Variants in SOS2 observed in about 807,000 individuals in gnomAD.
SOS2 encodes SOS Ras/Rho guanine nucleotide exchange factor 2.
In SOS2, 65 loss-of-function variants were observed where a neutral mutation model predicts 148.2. The observed-to-expected ratio is 0.44, with a 90% confidence interval of 0.36 to 0.54. The LOEUF is 0.54. Among genes scored for constraint, SOS2 ranks in the 20% least tolerant of loss-of-function variants. SOS2 has a pLI of 0.00. For synonymous variants in SOS2, 539 were observed against 537.1 expected (o/e 1.00, Z -0.05); for missense variants, 1,341 against 1,590.2 (o/e 0.84, Z 2.67).
chr14:50,121,775 A>T (rs1169158524), intron 21 of SOS2, among the ~76,000 whole-genome samples: 2 of 152,146 alleles, frequency 1.3e-5, no homozygotes, highest in Non-Finnish European at 2.9e-5. Flanking sequence ...GAAATAGCTG[A>T]TACAAAAGGT....
chr14:50,129,797 C>T (rs902189380), intron 21 of SOS2, among the ~76,000 whole-genome samples, 164 bp downstream of exon 21: 22 of 152,204 alleles, frequency 1.4e-4, no homozygotes, highest in Non-Finnish European at 2.8e-4. Context: ...TGAAAATAAA[C>T]TATAGTGAAG....
chr14:50,206,253 C>G lies in SOS2; in HGVS notation c.88-1844G>C, dbSNP rs185815064. Among the ~76,000 whole-genome samples the G allele has an allele frequency of 1.5e-3, 232 of 152,262 alleles. 3 individuals carry two copies. In the Middle Eastern group the frequency reaches 0.02, roughly 13 times the overall value. ...TCTAATATGTATGTTTTCTCTAAAA[C>G]TACTTTTGTAAAAACACACATATTT... is the stretch of plus-strand genomic sequence containing the variant. On this transcript the variant is annotated intron_variant, in intron 1 of 22. Transcript: ENST00000216373.
At position 50,156,984 on chromosome 14, in the gene SOS2, A is replaced by T. The variant is rs1374367606; in HGVS notation, c.2057+15T>A. The T allele has an allele frequency of 6.7e-7, 1 of 1,500,990 alleles. No individual in the cohort carries two copies. The highest frequency in any genetic ancestry group is 1.4e-5 in the African/African-American group (1 of 72,114). 93.0% of individuals were successfully genotyped at this position (1,500,990 alleles called of 1,614,324 possible). On this transcript the variant is annotated intron_variant, in intron 12 of 22. Coordinates refer to ENST00000216373, the MANE Select transcript of SOS2 (RefSeq NM_006939.4). ...ATGTGTATATATATATATATAAAAA[A>T]TATTCAAGCCAAACCTAAGTTGTAC...
Position 50,130,683 on chromosome 14 carries a change from A to G in SOS2, c.3155T>C (p.Leu1052Ser), listed in dbSNP as rs1883839983. 1.9e-6 allele frequency: 3 copies of G among 1,613,838 alleles called. No individual in the cohort carries two copies. The highest frequency in any genetic ancestry group is 2.5e-6 in the Non-Finnish European group (3 of 1,179,808). The change falls in exon 20 of 23, where the codon TTA becomes TCA. Residue 1052 changes from leucine (L) to serine (S), a missense_variant. By Grantham distance (145) the Leu-to-Ser change is moderately radical. Coordinates refer to ENST00000216373, the MANE Select transcript of SOS2 (RefSeq NM_006939.4). ...TTCTAATGGTGTTGGGTGACCTCGT[A>G]AAGTACCTGAGGTAGAGCCATGTCG... ...TGRHGSTSGT[L>S]RGHPTPLERE... is the part of the protein sequence containing the mutation.
At chr14:50,201,338 C>T (rs1257206318) in intron 2 of SOS2, among the ~76,000 whole-genome samples, 10 of 151,896 alleles carry the variant, frequency 6.6e-5, no homozygotes, top group African/African-American at 2.4e-4. Flanking sequence ...TTTAGACCAG[C>T]CAGGCAACAC....
intron 11 of SOS2, among the ~76,000 whole-genome samples, chr14:50,158,147 G>A (rs775473976): frequency 6.6e-6 from 1 of 151,722 alleles, no homozygotes; most frequent in East Asian, 1.9e-4. Context: ...TTATATTCTT[G>A]TATCTGCTCT....
intron 14 of SOS2, among the ~76,000 whole-genome samples, chr14:50,146,134 C>CA (rs775495958): frequency 0.015 from 1,256 of 85,044 alleles, 21 homozygotes; most frequent in African/African-American, 0.049. Flanking sequence ...GCTCTGTCTC[C>CA]AAAAAAAAAA....
intron 1 of SOS2, among the ~76,000 whole-genome samples, chr14:50,213,906 G>C (rs1026038395): frequency 6.2e-5 from 9 of 145,864 alleles, no homozygotes; most frequent in African/African-American, 2.2e-4. Flanking sequence ...AAAAAAAAAA[G>C]AGAAAAAAGA....
At chr14:50,167,034 TC>T (rs1394913767) in intron 8 of SOS2, among the ~76,000 whole-genome samples, 2 of 151,728 alleles carry the variant, frequency 1.3e-5, no homozygotes, top group Non-Finnish European at 2.9e-5. Flanking sequence ...ATAGCGAGAC[TC>T]CCTCTCTAAA....
chr14:50,192,562 A>C (rs1164019576), intron 4 of SOS2, among the ~76,000 whole-genome samples: 8 of 152,028 alleles, frequency 5.3e-5, no homozygotes, highest in Non-Finnish European at 1.0e-4. Context: ...TCTTTAAAAA[A>C]AAACAAAAAC....
At chr14:50,228,660 G>A (rs899299456) in intron 1 of SOS2, among the ~76,000 whole-genome samples, 1 of 152,136 alleles carries the variant, frequency 6.6e-6, no homozygotes, top group Non-Finnish European at 1.5e-5. Flanking sequence ...TAAACTGACA[G>A]AGCCAAGTAA....
At chr14:50,121,258 A>G (rs1355692605) in intron 21 of SOS2, among the ~76,000 whole-genome samples, 2 of 152,150 alleles carry the variant, frequency 1.3e-5, no homozygotes, top group African/African-American at 4.8e-5. Context: ...ACATATAATA[A>G]TTACTATCTT....
chr14:50,191,779 T>G (rs1171355885), intron 4 of SOS2, among the ~76,000 whole-genome samples: 1 of 152,168 alleles, frequency 6.6e-6, no homozygotes, highest in Non-Finnish European at 1.5e-5. Context: ...GCATTCTGAT[T>G]TTCTTTTTTC....
chr14:50,231,258 T>A lies in SOS2; in HGVS notation c.26A>T (p.Glu9Val). Reference protein sequence around the residue: MQQAPQPYEFFSEENSPKW... With the variant: MQQAPQPYVFFSEENSPKW... ...CGGACTGTTCTCCTCGCTGAAGAAC[T>A]CGTAAGGCTGCGGCGCCTGCTGCAT... The change falls in exon 1 of 23, where the codon GAG becomes GTG. Residue 9 changes from glutamate to valine, a missense_variant. Physicochemically the swap from Glu to Val is moderately radical, Grantham distance 121. Around this residue, in one of 4 missense-constraint regions of SOS2, gnomAD observed 574 missense variants for 711.1 expected, o/e 0.81. Transcript: ENST00000216373. The A allele has an allele frequency of 2.7e-6, 4 of 1,488,994 alleles. No individual in the cohort carries two copies. The highest frequency in any genetic ancestry group is 3.6e-6 in the Non-Finnish European group (4 of 1,106,410). The allele number at this position is 1,488,994 out of a possible 1,614,324, so 92.2% of individuals were successfully genotyped here.
chr14:50,219,940 G>A (rs774070615), intron 1 of SOS2, among the ~76,000 whole-genome samples: 1 of 151,816 alleles, frequency 6.6e-6, no homozygotes, highest in African/African-American at 2.4e-5. Context: ...GTTAAGCCTC[G>A]AACTCCTGGG....
chr14:50,146,535 A>C (rs1390314716), intron 14 of SOS2, among the ~76,000 whole-genome samples: 1 of 152,086 alleles, frequency 6.6e-6, no homozygotes, highest in East Asian at 1.9e-4. Context: ...AGTCCCAGCT[A>C]CTTGGGAGGC....
chr14:50,138,807 T>G (rs1884170828), intron 17 of SOS2, 23 bp from the exon 18 acceptor site: 1 of 760,086 alleles, frequency 1.3e-6, no homozygotes, highest in Non-Finnish European at 2.0e-6. Flanking sequence ...AAAAAAGAAT[T>G]TAAAGAAAAG....
intron 1 of SOS2, among the ~76,000 whole-genome samples, chr14:50,221,276 G>T (rs906300827): frequency 6.6e-6 from 1 of 151,894 alleles, no homozygotes; most frequent in African/African-American, 2.4e-5. Flanking sequence ...GGAAAAGATC[G>T]CTATTAAATT....
intron 14 of SOS2, among the ~76,000 whole-genome samples, chr14:50,147,637 C>A (rs2355881): frequency 0.87 from 132,469 of 152,224 alleles, 57,727 homozygotes; most frequent in East Asian, 0.92. Flanking sequence ...GGTGGTAGTG[C>A]TTTCTTAGGG....
Sources: allele counts gnomAD v4.1 joint callset (sites outside exome capture counted in the v4.1 genomes callset), GRCh38; gene constraint gnomAD v4.1.1; regional missense constraint gnomAD v4.1.1; transcripts MANE v1.5; gene names NCBI Gene and HGNC (gene_info 2026-07-23, HGNC 2026-07-21).